Variants in SFI1 observed in about 807,000 individuals in gnomAD.
SFI1 encodes protein SFI1 homolog.
A neutral mutation model predicts 207.5 loss-of-function variants in SFI1; 195 were observed. That is an observed-to-expected ratio of 0.94 (90% CI 0.84 to 1.06). SFI1 has a LOEUF of 1.06. Among genes scored for constraint, SFI1 ranks in the 50% least tolerant of loss-of-function variants. The pLI is 0.00. For missense variants in SFI1, 1,634 were observed against 1,588.0 expected (o/e 1.03, Z -0.49); for synonymous variants, 630 against 598.9 (o/e 1.05, Z -0.76).
Position 31,556,989 on chromosome 22 carries a change from G to A in SFI1, c.592G>A (p.Val198Met), listed in dbSNP as rs769524220. 1.7e-5 allele frequency: 28 copies of A among 1,612,286 alleles called. No individual in the cohort carries two copies. Among genetic ancestry groups the A allele is most frequent in the African/African-American group, 2.7e-5 (2 of 74,870 alleles). Reference sequence around the variant, plus strand: ...GGCCTGGAAGTCCTGGTTGATCTACGTGGTTGTTCGTAGGACCAAACTTCA... The same window carrying A: ...GGCCTGGAAGTCCTGGTTGATCTACATGGTTGTTCGTAGGACCAAACTTCA... ...RQAWKSWLIY[V>M]VVRRTKLQMQ... Residue 198 changes from valine to methionine, a missense_variant, in exon 7 of 33, where the codon GTG (valine) becomes ATG (methionine). Coordinates refer to ENST00000400288, the MANE Select transcript of SFI1 (RefSeq NM_001007467.3).
At chr22:31,548,524 T>C (rs943151943) in intron 5 of SFI1, among the ~76,000 whole-genome samples, 1 of 151,418 alleles carries the variant, frequency 6.6e-6, no homozygotes, top group Non-Finnish European at 1.5e-5. Context: ...GCGCCTGTAG[T>C]ACCAGCTACT....
intron 19 of SFI1, 59 bp from the exon 20 acceptor site, chr22:31,604,810 G>C: frequency 1.3e-6 from 2 of 1,519,866 alleles, no homozygotes; most frequent in Non-Finnish European, 1.8e-6. Context: ...TCTGAGGCCT[G>C]CCTAAACAGG....
intron 19 of SFI1, chr22:31,604,615 C>G: frequency 1.7e-6 from 1 of 595,346 alleles, no homozygotes; most frequent in Non-Finnish European, 3.0e-6. Flanking sequence ...TCTGTGGGTA[C>G]TAGCCTTGTA....
chr22:31,559,467 C>T (rs2061468832), intron 7 of SFI1: 4 of 459,216 alleles, frequency 8.7e-6, no homozygotes, highest in Non-Finnish European at 1.6e-5. Context: ...TACACACCGC[C>T]AGTTGTGTTC....
At chr22:31,604,737 C>A in intron 19 of SFI1, 132 bp from the exon 20 acceptor site, 1 of 734,952 alleles carries the variant, frequency 1.4e-6, no homozygotes, top group Non-Finnish European at 2.2e-6. Flanking sequence ...GGACCAGGGG[C>A]TGTTGGCCTC....
intron 15 of SFI1, among the ~76,000 whole-genome samples, chr22:31,598,762 C>T (rs1296203827): frequency 2.8e-5 from 2 of 71,242 alleles, no homozygotes; most frequent in Non-Finnish European, 5.3e-5. Context: ...TGTTTGAATT[C>T]TGTTGGATTG....
rs74582988 is a variant in SFI1 at position 31,567,384 on chromosome 22, G to T, written c.766-5674G>T. Among the ~76,000 whole-genome samples, 1,461 of 152,296 alleles carry T rather than the reference G, an allele frequency of 9.6e-3. 24 individuals are homozygous for T. Among genetic ancestry groups the T allele is most frequent in the African/African-American group, 0.034 (1,404 of 41,564 alleles). ...ACAGGGAGCCAGAACGCAGGGCCTG[G>T]CAGGCTGTGCCTGATAAAAAAGGCT... is the stretch of plus-strand genomic sequence containing the variant. On this transcript the variant is annotated intron_variant, in intron 8 of 32. Coordinates refer to ENST00000400288, the MANE Select transcript of SFI1 (RefSeq NM_001007467.3).
chr22:31,617,197 C>G, intron 31 of SFI1, 119 bp downstream of exon 31: 1 of 1,068,052 alleles, frequency 9.4e-7, no homozygotes, highest in Non-Finnish European at 1.4e-6. Flanking sequence ...TGGTCTCGGT[C>G]TAGCCATGGA....
At chr22:31,545,545 TTTTAATTTAA>T (rs199762639) in intron 4 of SFI1, among the ~76,000 whole-genome samples, 150 of 134,352 alleles carry the variant, frequency 1.1e-3, no homozygotes, top group Middle Eastern at 7.2e-3. Context: ...GAGATGGAGT[TTTTAATTTAA>T]TTTAATTTAA....
intron 1 of SFI1, among the ~76,000 whole-genome samples, chr22:31,500,560 C>T (rs746226592): frequency 2.6e-5 from 4 of 152,088 alleles, no homozygotes; most frequent in African/African-American, 7.2e-5. Flanking sequence ...TGGGTTCAAG[C>T]GATTCTCCTG....
chr22:31,545,500 A>G (rs1346840145), intron 4 of SFI1, among the ~76,000 whole-genome samples: 1 of 152,142 alleles, frequency 6.6e-6, no homozygotes, highest in Non-Finnish European at 1.5e-5. Flanking sequence ...ACAGTAAGAC[A>G]TTGTCACACA....
intron 12 of SFI1, among the ~76,000 whole-genome samples, chr22:31,580,732 G>C (rs1482302540): frequency 6.6e-6 from 1 of 151,756 alleles, no homozygotes; most frequent in Non-Finnish European, 1.5e-5. Flanking sequence ...TAGTAGAGAC[G>C]AGGTTTCACC....
chr22:31,580,561 TTG>T (rs2064021324), intron 12 of SFI1, among the ~76,000 whole-genome samples, 197 bp downstream of exon 12: 3 of 145,480 alleles, frequency 2.1e-5, no homozygotes, highest in Non-Finnish European at 4.6e-5. Context: ...TTTTTTTTTT[TTG>T]AGACAGTCTT....
chr22:31,606,267 A>T, intron 20 of SFI1, 61 bp from the exon 21 acceptor site: 1 of 1,471,672 alleles, frequency 6.8e-7, no homozygotes, highest in Admixed American at 1.7e-5. Flanking sequence ...TGATTCACAG[A>T]AGCCTCCCTT....
intron 2 of SFI1, among the ~76,000 whole-genome samples, chr22:31,515,885 G>A (rs986436003): frequency 6.6e-6 from 1 of 151,682 alleles, no homozygotes; most frequent in East Asian, 1.9e-4. Flanking sequence ...CTACAGTCAC[G>A]CACCACCATG....
chr22:31,503,820 C>G, intron 1 of SFI1, among the ~76,000 whole-genome samples: 1 of 151,612 alleles, frequency 6.6e-6, no homozygotes, highest in Middle Eastern at 3.4e-3. Context: ...ACCTCCTGAC[C>G]TCAGGTGATC....
chr22:31,596,873 C>T (rs2067201806), intron 15 of SFI1, among the ~76,000 whole-genome samples: 1 of 151,566 alleles, frequency 6.6e-6, no homozygotes, highest in East Asian at 1.9e-4. Context: ...GACACGCACA[C>T]ACAGTACCCG....
chr22:31,566,909 AT>A (rs566303037), intron 8 of SFI1, among the ~76,000 whole-genome samples: 7 of 150,112 alleles, frequency 4.7e-5, no homozygotes, highest in Admixed American at 1.3e-4. Flanking sequence ...CCTATTAGGA[AT>A]TTTTTTTTTC....
intron 8 of SFI1, among the ~76,000 whole-genome samples, chr22:31,568,190 T>TG (rs55806698): frequency 4.2e-5 from 4 of 95,116 alleles, no homozygotes; most frequent in Non-Finnish European, 2.1e-5. Flanking sequence ...TGTGTGTGTG[T>TG]GTGTTGTGTG....
Sources: gnomAD v4.1 joint callset for allele counts (sites outside exome capture counted in the v4.1 genomes callset) on GRCh38, gnomAD v4.1.1 for gene constraint, MANE v1.5 for transcripts, NCBI Gene and HGNC (gene_info 2026-07-23, HGNC 2026-07-21) for gene names.